The following RPTOR variants were observed in gnomAD, a reference collection of about 807,000 sequenced individuals.
RPTOR encodes the protein regulatory-associated protein of mTOR.
A neutral mutation model predicts 169.9 loss-of-function variants in RPTOR; 21 were observed. The observed-to-expected ratio is 0.12, with a 90% CI of 0.09 to 0.18. RPTOR has a LOEUF of 0.18. RPTOR is among the 10% of genes least tolerant of loss of function. The pLI is 1.00. For synonymous variants in RPTOR, 732 were observed against 753.2 expected (o/e 0.97, Z 0.46); for missense variants, 1,133 against 1,855.9 (o/e 0.61, Z 7.16).
At chr17:80,837,509 C>T (rs1423269904) in intron 9 of RPTOR, among the ~76,000 whole-genome samples, 3 of 152,252 alleles carry the variant, frequency 2.0e-5, no homozygotes, top group Non-Finnish European at 2.9e-5. Flanking sequence ...CCCTCCAGGA[C>T]GCTGCCCCAT....
intron 3 of RPTOR, among the ~76,000 whole-genome samples, chr17:80,687,002 A>T (rs1032914270): frequency 5.3e-5 from 8 of 152,186 alleles, no homozygotes; most frequent in Non-Finnish European, 1.5e-5. Context: ...GTAACCAGAG[A>T]GTGGAATCTG....
At chr17:80,800,673 G>A (rs1025500508) in intron 7 of RPTOR, among the ~76,000 whole-genome samples, 4 of 152,112 alleles carry the variant, frequency 2.6e-5, no homozygotes, top group African/African-American at 9.7e-5. Context: ...TTGAGAGAGT[G>A]GCAATAAGAT....
At chr17:80,658,890 T>C (rs1208329880) in intron 3 of RPTOR, among the ~76,000 whole-genome samples, 1 of 152,230 alleles carries the variant, frequency 6.6e-6, no homozygotes, top group African/African-American at 2.4e-5. Context: ...CCTTGTTATC[T>C]CTTTTCTTGT....
chr17:80,875,190 G>A (rs1439074478), intron 13 of RPTOR, among the ~76,000 whole-genome samples: 1 of 152,194 alleles, frequency 6.6e-6, no homozygotes, highest in Non-Finnish European at 1.5e-5. Flanking sequence ...TCTTTTGCCA[G>A]AATATTCAGA....
chr17:80,575,158 G>A (rs1027727061), intron 1 of RPTOR, among the ~76,000 whole-genome samples: 1 of 151,708 alleles, frequency 6.6e-6, no homozygotes, highest in African/African-American at 2.4e-5. Context: ...TCAACAAGTA[G>A]TAGTTTTTAA....
intron 1 of RPTOR, among the ~76,000 whole-genome samples, chr17:80,553,596 A>C (rs1484950548): frequency 6.6e-6 from 1 of 152,222 alleles, no homozygotes; most frequent in African/African-American, 2.4e-5. Context: ...CCACATTTGG[A>C]ACAGCTGCAT....
At chr17:80,893,007 GTGA>G in intron 19 of RPTOR, 138 bp downstream of exon 19, 1 of 1,067,620 alleles carries the variant, frequency 9.4e-7, no homozygotes, top group Non-Finnish European at 1.4e-6. Context: ...TGCCAACATG[GTGA>G]TGAGTCACCC....
intron 1 of RPTOR, among the ~76,000 whole-genome samples, chr17:80,614,822 G>A (rs2065297014): frequency 6.6e-6 from 1 of 152,204 alleles, no homozygotes; most frequent in Admixed American, 6.5e-5. Flanking sequence ...TCGCTTTGCC[G>A]ACAGCTGCTT....
intron 1 of RPTOR, among the ~76,000 whole-genome samples, chr17:80,564,842 G>A (rs2084558273): frequency 6.6e-6 from 1 of 152,164 alleles, no homozygotes; most frequent in Non-Finnish European, 1.5e-5. Context: ...GTGAGAACAT[G>A]CGGTGTTTGG....
At chr17:80,617,427 T>C (rs977839822) in intron 1 of RPTOR, among the ~76,000 whole-genome samples, 1 of 152,258 alleles carries the variant, frequency 6.6e-6, no homozygotes, top group East Asian at 1.9e-4. Context: ...AGTATGTTTT[T>C]GTAAAGGACA....
intron 5 of RPTOR, among the ~76,000 whole-genome samples, chr17:80,745,374 G>A (rs145478884): frequency 1.8e-4 from 27 of 152,280 alleles, no homozygotes; most frequent in African/African-American, 4.8e-4. Context: ...GCTTCTGCAC[G>A]TCCTTGGAAG....
At chr17:80,843,999 G>T (rs987260667) in intron 10 of RPTOR, among the ~76,000 whole-genome samples, 1 of 152,218 alleles carries the variant, frequency 6.6e-6, no homozygotes, top group African/African-American at 2.4e-5. Context: ...CAGCCCAGCA[G>T]GACCTGTGAG....
intron 3 of RPTOR, among the ~76,000 whole-genome samples, chr17:80,696,244 T>C (rs74002832): frequency 0.27 from 40,547 of 152,090 alleles, 7,481 homozygotes; most frequent in African/African-American, 0.53. Context: ...CTTACAGTGA[T>C]AGCATCAGGA....
chr17:80,638,234 C>T (rs7215486), intron 2 of RPTOR, among the ~76,000 whole-genome samples: 63,523 of 151,752 alleles, frequency 0.42, 13,581 homozygotes, highest in African/African-American at 0.47. Context: ...CTCTGAGGTC[C>T]GAGGGGCTGG....
rs528429673 is a variant in RPTOR, at chr17:80,597,498, G to T, written c.163-28193G>T. ...CAGTGAAAGTTTTAAATAGGTGAAA[G>T]ATAGGCTTTGTTTTCTCTTTTCTTT... On this transcript the variant is annotated intron_variant, in intron 1 of 33. Transcript: ENST00000306801. Among the ~76,000 whole-genome samples the T allele has an allele frequency of 9.9e-5, 15 of 152,188 alleles. No individual in the cohort carries two copies. In the South Asian group the frequency reaches 2.9e-3, roughly 29 times the overall value.
At chr17:80,931,744 C>CT (rs2068899796) in intron 24 of RPTOR, among the ~76,000 whole-genome samples, 1 of 152,220 alleles carries the variant, frequency 6.6e-6, no homozygotes, top group South Asian at 2.1e-4. Flanking sequence ...TGAGAAGGTT[C>CT]CACCCTGAGA....
intron 2 of RPTOR, among the ~76,000 whole-genome samples, chr17:80,628,416 G>A (rs1225291275): frequency 1.3e-5 from 2 of 152,028 alleles, no homozygotes; most frequent in African/African-American, 4.8e-5. Context: ...TATTTTTTCG[G>A]GGTATGTAAT....
chr17:80,738,715 T>C (rs1423834415), intron 5 of RPTOR, among the ~76,000 whole-genome samples: 2 of 152,228 alleles, frequency 1.3e-5, no homozygotes, highest in South Asian at 2.1e-4. Context: ...ACATTTGTTA[T>C]GTAAACCTGT....
chr17:80,575,558 C>T (rs909919485), intron 1 of RPTOR, among the ~76,000 whole-genome samples: 2 of 152,112 alleles, frequency 1.3e-5, no homozygotes, highest in Non-Finnish European at 2.9e-5. Flanking sequence ...TAGGTTGCAC[C>T]GCTGTGTGCA....
Sources: allele counts gnomAD v4.1 joint callset (sites outside exome capture counted in the v4.1 genomes callset), GRCh38; gene constraint gnomAD v4.1.1; transcripts MANE v1.5; gene names NCBI Gene and HGNC (gene_info 2026-07-23, HGNC 2026-07-21).